FER: variants seen among roughly 807,000 people sequenced by gnomAD.
The protein encoded by FER is tyrosine-protein kinase Fer.
In FER, 63 loss-of-function variants were observed where a neutral mutation model predicts 111.0. The ratio of observed to expected loss-of-function variants is 0.57; its 90% confidence interval spans 0.46 to 0.70. The LOEUF is 0.70. Among genes scored for constraint, FER ranks in the 30% least tolerant of loss-of-function variants. The pLI is 0.00. For synonymous variants in FER, 327 were observed against 313.9 expected, an observed-to-expected ratio of 1.04 and a Z score of -0.44; for missense variants, 914 against 954.0, an observed-to-expected ratio of 0.96 and a Z score of 0.55.
chr5:108,980,689 G>C (rs1192684569), intron 13 of FER, among the ~76,000 whole-genome samples: 1 of 152,084 alleles, frequency 6.6e-6, no homozygotes, highest in African/African-American at 2.4e-5. Context: ...TATAGGTTTA[G>C]ACCGATAACA....
At chr5:108,970,747 T>A (rs1370416807) in intron 13 of FER, among the ~76,000 whole-genome samples, 1 of 151,966 alleles carries the variant, frequency 6.6e-6, no homozygotes, top group Non-Finnish European at 1.5e-5. Flanking sequence ...AGGAGGGAAA[T>A]TATTTGATAA....
chr5:109,038,626 C>T (rs1770728792), intron 14 of FER, among the ~76,000 whole-genome samples: 2 of 151,900 alleles, frequency 1.3e-5, no homozygotes, highest in South Asian at 2.1e-4. Flanking sequence ...AAAGCAGTGA[C>T]TCATATGTTA....
chr5:108,904,971 T>C (rs1019851264), intron 10 of FER, among the ~76,000 whole-genome samples: 1 of 152,260 alleles, frequency 6.6e-6, no homozygotes, highest in Non-Finnish European at 1.5e-5. Flanking sequence ...TTGTATGTTA[T>C]ACTGTATATA....
intron 11 of FER, among the ~76,000 whole-genome samples, chr5:108,948,976 A>T (rs1176920437): frequency 6.6e-6 from 1 of 152,040 alleles, no homozygotes; most frequent in African/African-American, 2.4e-5. Flanking sequence ...TATTTTCTAC[A>T]CTCTGTTGAC....
At chr5:109,044,605 G>A in intron 14 of FER, 75 bp from the exon 15 acceptor site, 1 of 704,380 alleles carries the variant, frequency 1.4e-6, no homozygotes, top group Non-Finnish European at 2.4e-6. Flanking sequence ...CTCCTCTTTG[G>A]TACCTTTCCT....
chr5:108,844,996 G>GTATATATATATATATATATATA (rs1178206742), intron 5 of FER, among the ~76,000 whole-genome samples: 3 of 29,270 alleles, frequency 1.0e-4, no homozygotes, highest in Non-Finnish European at 2.1e-4. Context: ...GTGTGTGTGT[G>GTATATATATATATATATATATA]TATATATATA....
chr5:109,054,291 G>A (rs1773338360), intron 16 of FER, among the ~76,000 whole-genome samples: 1 of 152,150 alleles, frequency 6.6e-6, no homozygotes, highest in Admixed American at 6.5e-5. Context: ...ATCGTCGTCA[G>A]CACTTACTTG....
At chr5:109,124,845 G>T (rs1381100886) in intron 17 of FER, among the ~76,000 whole-genome samples, 1 of 152,088 alleles carries the variant, frequency 6.6e-6, no homozygotes, top group Non-Finnish European at 1.5e-5. Flanking sequence ...AGGAGATCCA[G>T]ACCATTCTGG....
intron 13 of FER, among the ~76,000 whole-genome samples, chr5:108,982,600 C>T (rs556195133): frequency 3.9e-5 from 6 of 152,024 alleles, no homozygotes; most frequent in South Asian, 2.1e-4. Flanking sequence ...ACTATTTTTT[C>T]GGTATTCCTC....
At chr5:108,850,757 C>A (rs543819761) in intron 5 of FER, among the ~76,000 whole-genome samples, 1 of 151,980 alleles carries the variant, frequency 6.6e-6, no homozygotes, top group African/African-American at 2.4e-5. Context: ...TTTACTACAC[C>A]GTTATTTTAC....
At chr5:108,991,579 AC>A (rs1409152369) in intron 13 of FER, among the ~76,000 whole-genome samples, 2 of 152,130 alleles carry the variant, frequency 1.3e-5, no homozygotes, top group Non-Finnish European at 2.9e-5. Flanking sequence ...CATTTATATC[AC>A]ATTTGTGCAG....
At chr5:109,033,194 C>CT (rs1300240040) in intron 13 of FER, among the ~76,000 whole-genome samples, 1 of 152,152 alleles carries the variant, frequency 6.6e-6, no homozygotes, top group Non-Finnish European at 1.5e-5. Flanking sequence ...TTGGAAGAGA[C>CT]TAAGAGGCAG....
chr5:108,993,634 TGAGGGCGAGGGC>T (rs772264858), intron 13 of FER, among the ~76,000 whole-genome samples: 1 of 105,248 alleles, frequency 9.5e-6, no homozygotes, highest in Non-Finnish European at 2.0e-5. Context: ...AGGGCGAGGG[TGAGGGCGAGGGC>T]GAGGGCGAGG....
rs1205797228 is a variant in FER, at chr5:109,047,100, C to G, written c.1830-4C>G. On this transcript the variant is annotated splice_region_variant and splice_polypyrimidine_tract_variant and intron_variant, in intron 15 of 19. Coordinates refer to ENST00000281092, the MANE Select transcript of FER (RefSeq NM_005246.4). ...AACTATTCGTATATTTTCATCTCAT[C>G]TAGAATTCTCAAGCAATATGATCAT... 3 of 1,504,006 alleles carry G rather than the reference C, an allele frequency of 2.0e-6. No individual in the cohort carries two copies. Among genetic ancestry groups the G allele is most frequent in the Non-Finnish European group, 2.7e-6 (3 of 1,094,024 alleles). 93.2% of individuals were successfully genotyped at this position (1,504,006 alleles called of 1,614,324 possible).
chr5:109,042,358 T>TA (rs1554124428), intron 14 of FER, among the ~76,000 whole-genome samples: 1 of 152,104 alleles, frequency 6.6e-6, no homozygotes, highest in Non-Finnish European at 1.5e-5. Flanking sequence ...AAGCTGATCT[T>TA]ATATTCAGTC....
At chr5:108,895,431 A>G (rs1748930379) in intron 9 of FER, among the ~76,000 whole-genome samples, 1 of 152,128 alleles carries the variant, frequency 6.6e-6, no homozygotes, top group South Asian at 2.1e-4. Context: ...AAACTATGGT[A>G]TTCCTAGGGC....
intron 3 of FER, among the ~76,000 whole-genome samples, chr5:108,832,084 A>G (rs896151973): frequency 3.3e-5 from 5 of 152,198 alleles, no homozygotes; most frequent in African/African-American, 9.6e-5. Flanking sequence ...GCCTCTTGCT[A>G]TTGAGGCAGT....
At chr5:109,123,904 T>G (rs1751331897) in intron 17 of FER, among the ~76,000 whole-genome samples, 1 of 152,212 alleles carries the variant, frequency 6.6e-6, no homozygotes, top group Admixed American at 6.5e-5. Flanking sequence ...TACATTTGTA[T>G]GTTTACATTA....
intron 13 of FER, among the ~76,000 whole-genome samples, chr5:109,009,123 C>G (rs1396236841): frequency 6.7e-6 from 1 of 149,090 alleles, no homozygotes; most frequent in African/African-American, 2.5e-5. Flanking sequence ...TCTCGGCTCC[C>G]TGCAACTGCC....
Sources: gnomAD v4.1 joint callset for allele counts (sites outside exome capture counted in the v4.1 genomes callset) on GRCh38, gnomAD v4.1.1 for gene constraint, MANE v1.5 for transcripts, NCBI Gene and HGNC (gene_info 2026-07-23, HGNC 2026-07-21) for gene names.